The following TMEM178A variants were observed in gnomAD, a reference collection of about 807,000 sequenced individuals.
TMEM178A encodes the protein transmembrane protein 178.
A neutral mutation model predicts 29.1 loss-of-function variants in TMEM178A; 12 were observed. The ratio of observed to expected loss-of-function variants is 0.41; its 90% CI spans 0.26 to 0.67. The LOEUF is 0.67. TMEM178A is among the 30% of genes least tolerant of loss of function. The pLI is 0.29. For synonymous variants in TMEM178A, 210 were observed against 187.2 expected (o/e 1.12, Z -0.99); for missense variants, 366 against 419.1 (o/e 0.87, Z 1.11).
chr2:39,708,651 T>A (rs912938522), intron 3 of TMEM178A, among the ~76,000 whole-genome samples: 3 of 151,624 alleles, frequency 2.0e-5, no homozygotes, highest in Non-Finnish European at 2.9e-5. Context: ...TCTCCTGACC[T>A]CGTGATCCGC....
chr2:39,682,653 G>C (rs541856671), intron 1 of TMEM178A, among the ~76,000 whole-genome samples: 1 of 152,232 alleles, frequency 6.6e-6, no homozygotes, highest in Admixed American at 6.5e-5. Flanking sequence ...TGGGGCCTTT[G>C]AGATATTTTT....
At chr2:39,688,072 C>G (rs961826238) in intron 1 of TMEM178A, among the ~76,000 whole-genome samples, 1 of 152,232 alleles carries the variant, frequency 6.6e-6, no homozygotes, top group Non-Finnish European at 1.5e-5. Flanking sequence ...ATATAGCATA[C>G]TTTTAGTAAG....
Position 39,717,868 on chromosome 2 carries a change from C to T in TMEM178A, c.*617C>T, listed in dbSNP as rs751115379. On this transcript the variant is annotated 3_prime_UTR_variant, in exon 4 of 4. Transcript: ENST00000281961. ...GATCAAACGTGCTTAAGAGCTAACT[C>T]GTGACACTATGCAGTATTGTTTGAA... The T allele has an allele frequency of 2.6e-5, 4 of 152,664 alleles. No individual in the cohort carries two copies. The highest frequency in any genetic ancestry group is 4.8e-5 in the African/African-American group (2 of 41,382). 9.5% of individuals were successfully genotyped at this position (152,664 alleles called of 1,614,324 possible). A position where few individuals can be genotyped will look rare whatever the true frequency, so the allele number is the denominator to read the frequency against.
intron 1 of TMEM178A, among the ~76,000 whole-genome samples, chr2:39,701,484 C>G (rs558552813): frequency 1.3e-5 from 2 of 152,072 alleles, no homozygotes; most frequent in Admixed American, 1.3e-4. Flanking sequence ...GATTCTCTGT[C>G]TTTGGCTTTC....
chr2:39,707,072 T>A lies in TMEM178A; in HGVS notation c.538T>A (p.Phe180Ile). The A allele has an allele frequency of 6.2e-7, 1 of 1,612,056 alleles. No individual in the cohort carries two copies. Among genetic ancestry groups the A allele is most frequent in the Non-Finnish European group, 8.5e-7 (1 of 1,179,436 alleles). The change falls in exon 3 of 4, where the codon TTC becomes ATC. Residue 180 changes from phenylalanine (F) to isoleucine (I), a missense_variant. Phe to Ile is a conservative substitution (Grantham distance 21). Around this residue, in one of 2 missense-constraint regions of TMEM178A, gnomAD observed 119 missense variants for 172.2 expected, o/e 0.69. Transcript: ENST00000281961. ...AGATTTAAGAAGAATCACTGCTGGC[T>A]TCCTCGGCATGGCCGTAGCCGTCCT... ...LLHLRRITAG[F>I]LGMAVAVLLC...
the TMEM178A span, among the ~76,000 whole-genome samples, chr2:39,731,821 T>G: frequency 6.6e-6 from 1 of 152,188 alleles, no homozygotes; most frequent in Non-Finnish European, 1.5e-5. Flanking sequence ...AGTGCATTGT[T>G]TCTGTCTGTC....
At chr2:39,669,145 G>C (rs1341583940) in intron 1 of TMEM178A, among the ~76,000 whole-genome samples, 3 of 152,156 alleles carry the variant, frequency 2.0e-5, no homozygotes, top group Non-Finnish European at 2.9e-5. Flanking sequence ...ATGGGAGAGT[G>C]GGGAGGGGTG....
chr2:39,719,746 C>T (rs138911755), downstream of TMEM178A, among the ~76,000 whole-genome samples: 75 of 152,158 alleles, frequency 4.9e-4, no homozygotes, highest in East Asian at 0.013. Flanking sequence ...CAGACTTGTC[C>T]TTGGTTTATT....
intron 1 of TMEM178A, among the ~76,000 whole-genome samples, chr2:39,679,359 C>G (rs1670771664): frequency 1.3e-5 from 2 of 150,986 alleles, no homozygotes; most frequent in Admixed American, 1.3e-4. Flanking sequence ...GACTAAGACA[C>G]TAATTATTAA....
At chr2:39,728,256 C>A in the TMEM178A span, among the ~76,000 whole-genome samples, 5 of 152,156 alleles carry the variant, frequency 3.3e-5, no homozygotes, top group African/African-American at 1.2e-4. Context: ...GCCATTCTAA[C>A]TGGCGTGAGA....
intron 3 of TMEM178A, among the ~76,000 whole-genome samples, chr2:39,711,051 A>G (rs1672278353): frequency 6.6e-6 from 1 of 152,222 alleles, no homozygotes; most frequent in Non-Finnish European, 1.5e-5. Flanking sequence ...GGGCCCTCCC[A>G]GAGAGCCAGG....
intron 1 of TMEM178A, among the ~76,000 whole-genome samples, chr2:39,691,642 T>A (rs1671322175): frequency 1.3e-5 from 2 of 152,130 alleles, no homozygotes; most frequent in Non-Finnish European, 2.9e-5. Context: ...TGGGTATTTA[T>A]CCAAGGGAAT....
intron 1 of TMEM178A, among the ~76,000 whole-genome samples, chr2:39,667,457 A>G (rs1322038028): frequency 6.6e-6 from 1 of 151,974 alleles, no homozygotes; most frequent in Non-Finnish European, 1.5e-5. Context: ...GATTAAAAAA[A>G]AAAATCAACA....
chr2:39,726,133 G>C, the TMEM178A span, among the ~76,000 whole-genome samples: 1 of 152,198 alleles, frequency 6.6e-6, no homozygotes, highest in African/African-American at 2.4e-5. Context: ...CTTTGTGTCT[G>C]TCTCAGAGAG....
At chr2:39,670,525 T>A (rs139985493) in intron 1 of TMEM178A, among the ~76,000 whole-genome samples, 1 of 152,212 alleles carries the variant, frequency 6.6e-6, no homozygotes, top group East Asian at 1.9e-4. Flanking sequence ...CACTGGTGGG[T>A]AAAATGACAG....
chr2:39,704,426 C>G (rs1372174602), intron 2 of TMEM178A, among the ~76,000 whole-genome samples: 2 of 152,162 alleles, frequency 1.3e-5, no homozygotes, highest in Non-Finnish European at 2.9e-5. Flanking sequence ...ATAGTCTGCC[C>G]TGGTGGCATC....
downstream of TMEM178A, among the ~76,000 whole-genome samples, chr2:39,719,660 G>A (rs964477966): frequency 6.6e-6 from 1 of 152,208 alleles, no homozygotes; most frequent in African/African-American, 2.4e-5. Context: ...TGATTGCACA[G>A]TACTGTGCAG....
At chr2:39,702,598 C>G (rs1234273013) in intron 1 of TMEM178A, among the ~76,000 whole-genome samples, 2 of 151,696 alleles carry the variant, frequency 1.3e-5, no homozygotes, top group African/African-American at 4.9e-5. Flanking sequence ...AAACAGCTAA[C>G]TTATATGTAA....
chr2:39,711,797 A>G (rs1275060925), intron 3 of TMEM178A, among the ~76,000 whole-genome samples: 1 of 152,116 alleles, frequency 6.6e-6, no homozygotes, highest in Non-Finnish European at 1.5e-5. Context: ...AAAACTTTTT[A>G]TTTTAGAAGA....
Sources: gnomAD v4.1 joint callset for allele counts (sites outside exome capture counted in the v4.1 genomes callset) on GRCh38, gnomAD v4.1.1 for gene constraint, gnomAD v4.1.1 regional missense constraint, MANE v1.5 for transcripts, NCBI Gene and HGNC (gene_info 2026-07-23, HGNC 2026-07-21) for gene names.